The following CD200 variants were observed in gnomAD, a reference collection of about 807,000 sequenced individuals.
CD200 encodes OX-2 membrane glycoprotein.
CD200 carries 15 observed loss-of-function variants against 30.9 expected under a neutral mutation model. The ratio of observed to expected loss-of-function variants is 0.49; its 90% CI spans 0.32 to 0.75. CD200 has a LOEUF of 0.75. Among genes scored for constraint, CD200 ranks in the 30% least tolerant of loss-of-function variants. The pLI, the probability that CD200 is intolerant of heterozygous loss-of-function variation, is 0.03. For missense variants in CD200, 262 were observed against 324.2 expected (o/e 0.81, Z 1.47); for synonymous variants, 134 against 126.2 (o/e 1.06, Z -0.41).
In CD200 at chr3:112,361,584, G is replaced by C. The variant is rs552063267; in HGVS notation, c.*34G>C. The C allele has an allele frequency of 6.3e-7, 1 of 1,593,322 alleles. No individual in the cohort carries two copies. The highest frequency in any genetic ancestry group is 1.1e-5 in the South Asian group (1 of 90,644). Reference sequence around the variant, plus strand: ...CACAGCACCCTGAAAGTGATTCCCTGGTCTACTTGAATTTGACACAAGAGA... The same window carrying C: ...CACAGCACCCTGAAAGTGATTCCCTCGTCTACTTGAATTTGACACAAGAGA... On this transcript the variant is annotated 3_prime_UTR_variant, in exon 6 of 6. Coordinates refer to ENST00000315711, the MANE Select transcript of CD200 (RefSeq NM_005944.7).
At chr3:112,334,119 ATCT>A (rs796703892) in intron 1 of CD200, 37 of 985,286 alleles carry the variant, frequency 3.8e-5, no homozygotes, top group South Asian at 9.4e-5. Flanking sequence ...GATGCTGTTA[ATCT>A]TCTTTGTAAC....
intron 1 of CD200, among the ~76,000 whole-genome samples, chr3:112,336,591 G>C (rs2081122571): frequency 1.3e-5 from 2 of 151,710 alleles, no homozygotes; most frequent in Middle Eastern, 6.8e-3. Flanking sequence ...TGACCCTAAA[G>C]CAAGGTCATT....
At chr3:112,336,242 G>A (rs1226682250) in intron 1 of CD200, among the ~76,000 whole-genome samples, 1 of 152,118 alleles carries the variant, frequency 6.6e-6, no homozygotes, top group African/African-American at 2.4e-5. Flanking sequence ...AATCCATTGA[G>A]TAGGAGGATA....
intron 1 of CD200, among the ~76,000 whole-genome samples, chr3:112,336,405 A>G (rs1223280933): frequency 6.6e-6 from 1 of 152,120 alleles, no homozygotes; most frequent in Non-Finnish European, 1.5e-5. Flanking sequence ...TAAAAATCCC[A>G]GAGAAATTGA....
intron 5 of CD200, among the ~76,000 whole-genome samples, chr3:112,352,651 C>A (rs1384378180): frequency 1.3e-5 from 2 of 152,120 alleles, no homozygotes; most frequent in African/African-American, 4.8e-5. Context: ...GAATTATCTT[C>A]ATGTAGCTGT....
chr3:112,334,589 G>T (rs1315671795), intron 1 of CD200, among the ~76,000 whole-genome samples: 2 of 151,978 alleles, frequency 1.3e-5, no homozygotes, highest in Non-Finnish European at 2.9e-5. Flanking sequence ...TTAACCATTA[G>T]ATTGGTACTA....
Position 112,347,619 on chromosome 3 carries a change from T to C in CD200, c.483T>C (p.Ser161=). ...FSEDHLNITC[S]ATARPAPMVF... ...AAGACCACCTAAATATCACTTGCTC[T>C]GCCACTGCCCGCCCAGCCCCCATGG... is the stretch of plus-strand genomic sequence containing the variant. The change falls in exon 4 of 6, where the codon TCT becomes TCC. Residue 161 remains serine (S), a synonymous_variant. Transcript: ENST00000315711. 6.2e-7 allele frequency: 1 copy of C among 1,614,028 alleles called. No homozygotes were observed. Among genetic ancestry groups the C allele is most frequent in the Non-Finnish European group, 8.5e-7 (1 of 1,179,920 alleles).
At chr3:112,349,929 G>A in intron 5 of CD200, 110 bp downstream of exon 5, 1 of 1,365,756 alleles carries the variant, frequency 7.3e-7, no homozygotes, top group Non-Finnish European at 9.5e-7. Context: ...AATGTGTTTT[G>A]TCTGTTGTTT....
intron 5 of CD200, among the ~76,000 whole-genome samples, chr3:112,358,225 G>A (rs1310544346): frequency 2.0e-5 from 3 of 152,196 alleles, no homozygotes. Context: ...TGGGGAGGAT[G>A]TGCTAACTCC....
intron 1 of CD200, among the ~76,000 whole-genome samples, chr3:112,340,701 G>A (rs1439823576): frequency 6.6e-6 from 1 of 152,192 alleles, no homozygotes; most frequent in Non-Finnish European, 1.5e-5. Context: ...AAGCCACGCT[G>A]CTGCTTTTCC....
chr3:112,353,963 G>T (rs145513670), intron 5 of CD200, among the ~76,000 whole-genome samples: 1 of 152,294 alleles, frequency 6.6e-6, no homozygotes, highest in African/African-American at 2.4e-5. Flanking sequence ...GATTAGTATT[G>T]CTGGGAGAAA....
chr3:112,359,882 A>G (rs2081703762), intron 5 of CD200, among the ~76,000 whole-genome samples: 1 of 152,164 alleles, frequency 6.6e-6, no homozygotes, highest in Non-Finnish European at 1.5e-5. Flanking sequence ...AAAGGATACC[A>G]GTTACTTGGA....
chr3:112,351,677 G>GAATGTTCAGTGGCATATTTTC (rs146396450), intron 5 of CD200, among the ~76,000 whole-genome samples: 5,381 of 152,176 alleles, frequency 0.035, 303 homozygotes, highest in African/African-American at 0.12. Flanking sequence ...TAATTCCTCT[G>GAATGTTCAGTGGCATATTTTC]AATGACTGGA....
rs2081762588 is a variant in CD200, at chr3:112,362,710, T to C, written c.*1160T>C. 1 of 12,416 alleles carries C rather than the reference T, an allele frequency of 8.1e-5. No homozygotes were observed. The highest frequency in any genetic ancestry group is 9.9e-5 in the African/African-American group (1 of 10,136). The allele number at this position is 12,416 out of a possible 1,614,324, so 0.8% of individuals were successfully genotyped here. A position where few individuals can be genotyped will look rare whatever the true frequency, so the allele number is the denominator to read the frequency against. On this transcript the variant is annotated 3_prime_UTR_variant, in exon 6 of 6. Coordinates refer to ENST00000315711, the MANE Select transcript of CD200 (RefSeq NM_005944.7). ...AAGTTGTTTTCGCTGTTAAATTGGA[T>C]ATTTATATATATATATAGCAAGATT...
Position 112,344,988 on chromosome 3 carries a change from G to C in CD200, c.121G>C (p.Glu41Gln), listed in dbSNP as rs745729760. ...GCAAGTGGTGACCCAGGATGAAAGAGAGCAGCTGTACACACCTGCTTCCTT... is the reference window on the plus strand; with the variant it reads ...GCAAGTGGTGACCCAGGATGAAAGACAGCAGCTGTACACACCTGCTTCCTT... ...QVQVVTQDER[E>Q]QLYTPASLKC... Residue 41 changes from glutamate (E) to glutamine (Q), a missense_variant, in exon 3 of 6, where the codon GAG becomes CAG. Physicochemically the swap from Glu to Gln is conservative, Grantham distance 29 (BLOSUM62 2). Transcript: ENST00000315711. The C allele has an allele frequency of 8.7e-6, 14 of 1,613,158 alleles. No homozygotes were observed. Among genetic ancestry groups the C allele is most frequent in the Admixed American group, 8.3e-5 (5 of 59,906 alleles).
intron 2 of CD200, among the ~76,000 whole-genome samples, chr3:112,342,338 CTTCTTTCTTTCT>C (rs869284838): frequency 0.019 from 423 of 21,726 alleles, 11 homozygotes; most frequent in Middle Eastern, 0.029. Context: ...TCTTTCTTTC[CTTCTTTCTTTCT>C]TTCTTTCTTT....
At chr3:112,352,750 T>G (rs2081557850) in intron 5 of CD200, among the ~76,000 whole-genome samples, 1 of 152,172 alleles carries the variant, frequency 6.6e-6, no homozygotes, top group African/African-American at 2.4e-5. Context: ...AAACAGAAGT[T>G]TATTTTAGGT....
intron 5 of CD200, among the ~76,000 whole-genome samples, chr3:112,358,110 A>G (rs1334693515): frequency 2.0e-5 from 3 of 152,126 alleles, no homozygotes; most frequent in Admixed American, 6.5e-5. Flanking sequence ...ACACACACAC[A>G]GTTACTCAGA....
intron 3 of CD200, 58 bp downstream of exon 3, chr3:112,345,346 G>C: frequency 7.0e-7 from 1 of 1,423,628 alleles, no homozygotes; most frequent in East Asian, 2.3e-5. Flanking sequence ...AAGAATGTTT[G>C]GAATATAGCC....
Sources: allele counts gnomAD v4.1 joint callset (sites outside exome capture counted in the v4.1 genomes callset), GRCh38; gene constraint gnomAD v4.1.1; transcripts MANE v1.5; gene names NCBI Gene and HGNC (gene_info 2026-07-23, HGNC 2026-07-21).